The following ASB3 variants were observed in gnomAD, a reference collection of about 807,000 sequenced individuals.
ASB3 encodes ankyrin repeat and SOCS box containing 3, also known as ankyrin repeat and SOCS box protein 3.
Under a neutral mutation model 54.5 loss-of-function variants are expected in ASB3, and 41 were observed. The ratio of observed to expected loss-of-function variants is 0.75; its 90% CI spans 0.59 to 0.98. The LOEUF is 0.98. Ranked by LOEUF, ASB3 falls within the 50% of genes least tolerant of loss-of-function variation. The pLI is 0.00. For synonymous variants in ASB3, 266 were observed against 221.2 expected (o/e 1.20, Z -1.80); for missense variants, 733 against 620.0 (o/e 1.18, Z -1.94).
At chr2:53,781,068 G>A (rs1371792567) in intron 1 of ASB3, among the ~76,000 whole-genome samples, 1 of 152,080 alleles carries the variant, frequency 6.6e-6, no homozygotes, top group Non-Finnish European at 1.5e-5. Context: ...ACTGTGCTAA[G>A]CACTGAACAG....
intron 1 of ASB3, among the ~76,000 whole-genome samples, 161 bp from the exon 2 acceptor site, chr2:53,765,746 GC>G (rs1178096649): frequency 2.6e-5 from 4 of 152,206 alleles, no homozygotes; most frequent in Non-Finnish European, 5.9e-5. Context: ...CTCTGCTGGT[GC>G]CTAAAGCAGG....
At chr2:53,691,104 C>G (rs1451601389) in intron 9 of ASB3, among the ~76,000 whole-genome samples, 1 of 152,194 alleles carries the variant, frequency 6.6e-6, no homozygotes, top group Non-Finnish European at 1.5e-5. Flanking sequence ...ACTGCAACCA[C>G]TCACTAAATT....
intron 1 of ASB3, among the ~76,000 whole-genome samples, chr2:53,771,402 A>G (rs527717913): frequency 1.3e-5 from 2 of 152,114 alleles, no homozygotes; most frequent in South Asian, 2.1e-4. Context: ...AATCCCAACT[A>G]CTCAGGAGGC....
At chr2:53,678,127 T>C (rs577850562) in intron 9 of ASB3, among the ~76,000 whole-genome samples, 50 of 134,908 alleles carry the variant, frequency 3.7e-4, no homozygotes, top group Non-Finnish European at 5.0e-4. Context: ...TCATCTCATA[T>C]AGTTACCTTG....
intron 1 of ASB3, chr2:53,786,361 G>C (rs1417073435): frequency 6.6e-6 from 1 of 152,182 alleles, no homozygotes; most frequent in Non-Finnish European, 1.5e-5. Context: ...GTGATGTCTA[G>C]CTGCCCATTC....
intron 9 of ASB3, among the ~76,000 whole-genome samples, chr2:53,687,755 G>A (rs1417095232): frequency 6.6e-6 from 1 of 152,134 alleles, no homozygotes; most frequent in Non-Finnish European, 1.5e-5. Flanking sequence ...GTGAGTTATT[G>A]CACCATAGAT....
At chr2:53,684,069 T>A (rs1668513619) in intron 9 of ASB3, among the ~76,000 whole-genome samples, 1 of 152,238 alleles carries the variant, frequency 6.6e-6, no homozygotes, top group African/African-American at 2.4e-5. Context: ...TCTACTTTTT[T>A]AATGTAGATG....
At chr2:53,768,803 C>T (rs1673684526) in intron 1 of ASB3, among the ~76,000 whole-genome samples, 1 of 152,212 alleles carries the variant, frequency 6.6e-6, no homozygotes, top group Admixed American at 6.5e-5. Context: ...TTAGCAGCAG[C>T]TCACTGCTTA....
At chr2:53,783,958 T>C (rs1489202206) in intron 1 of ASB3, among the ~76,000 whole-genome samples, 1 of 152,192 alleles carries the variant, frequency 6.6e-6, no homozygotes, top group Non-Finnish European at 1.5e-5. Flanking sequence ...AGTAAACAGG[T>C]ATGCAACTGA....
chr2:53,716,780 T>C (rs1229044521), intron 5 of ASB3, 37 bp from the exon 6 acceptor site: 3 of 1,540,030 alleles, frequency 1.9e-6, no homozygotes, highest in African/African-American at 2.8e-5. Context: ...CAGATAACCC[T>C]AATACTTAAA....
At chr2:53,737,369 A>G (rs10490468) in intron 3 of ASB3, among the ~76,000 whole-genome samples, 40,538 of 152,056 alleles carry the variant, frequency 0.27, 5,952 homozygotes, top group Non-Finnish European at 0.33. Context: ...GAGGAGACAG[A>G]GATTAGAATT....
At chr2:53,759,375 A>G (rs1673012874) in intron 2 of ASB3, among the ~76,000 whole-genome samples, 1 of 152,212 alleles carries the variant, frequency 6.6e-6, no homozygotes, top group Non-Finnish European at 1.5e-5. Context: ...GGCTTTGAGA[A>G]AGCATACCTC....
intron 5 of ASB3, among the ~76,000 whole-genome samples, chr2:53,718,297 T>C (rs78768647): frequency 0.26 from 39,749 of 151,770 alleles, 5,265 homozygotes; most frequent in African/African-American, 0.32. Flanking sequence ...TCAGATCACA[T>C]ACAAAAGGAA....
chr2:53,755,420 G>C (rs1672760419), intron 2 of ASB3, among the ~76,000 whole-genome samples: 1 of 152,170 alleles, frequency 6.6e-6, no homozygotes, highest in Non-Finnish European at 1.5e-5. Context: ...ACTCTAACAG[G>C]GAAAGTCAAA....
chr2:53,753,343 A>C (rs1225531660), intron 2 of ASB3, among the ~76,000 whole-genome samples: 2 of 152,176 alleles, frequency 1.3e-5, no homozygotes, highest in Non-Finnish European at 2.9e-5. Context: ...ACAAATAAAT[A>C]AACAGATGGC....
At chr2:53,682,656 T>C (rs1273716323) in intron 9 of ASB3, among the ~76,000 whole-genome samples, 3 of 152,022 alleles carry the variant, frequency 2.0e-5, no homozygotes, top group African/African-American at 2.4e-5. Context: ...TTTGTATTTT[T>C]AGTAGAGATG....
At chr2:53,704,169 T>C (rs1473357587) in intron 7 of ASB3, among the ~76,000 whole-genome samples, 4 of 152,030 alleles carry the variant, frequency 2.6e-5, no homozygotes, top group Non-Finnish European at 4.4e-5. Flanking sequence ...GAGACCAGCC[T>C]GACCAACATG....
chr2:53,707,517 G>A (rs960329160), intron 7 of ASB3, among the ~76,000 whole-genome samples: 8 of 151,530 alleles, frequency 5.3e-5, no homozygotes, highest in Admixed American at 3.3e-4. Flanking sequence ...GCGTGATGGC[G>A]GGCACCTGTA....
intron 1 of ASB3, among the ~76,000 whole-genome samples, chr2:53,773,334 G>T (rs1233823345): frequency 6.7e-6 from 1 of 150,152 alleles, no homozygotes. Flanking sequence ...ATGATACAAA[G>T]AAATTATTCA....
Sources: allele counts gnomAD v4.1 joint callset (sites outside exome capture counted in the v4.1 genomes callset), GRCh38; gene constraint gnomAD v4.1.1; transcripts MANE v1.5; gene names NCBI Gene and HGNC (gene_info 2026-07-23, HGNC 2026-07-21).